The following TEKT4 variants were observed in gnomAD, a reference collection of about 807,000 sequenced individuals.
TEKT4 encodes tektin 4.
In TEKT4, 46 loss-of-function variants were observed where a neutral mutation model predicts 46.0. The ratio of observed to expected loss-of-function variants is 1.00; its 90% CI spans 0.79 to 1.28. TEKT4 has a LOEUF of 1.28. TEKT4 is among the 50% of genes most tolerant of loss of function. The pLI is 0.00. For missense variants in TEKT4, 790 were observed against 622.9 expected (o/e 1.27, Z -2.85); for synonymous variants, 325 against 265.8 (o/e 1.22, Z -2.17).
At position 94,872,064 on chromosome 2, in the gene TEKT4, C is replaced by A. The variant is rs200789996; in HGVS notation, c.485C>A (p.Thr162Lys). 1 of 1,544,742 alleles carries A rather than the reference C, an allele frequency of 6.5e-7. No homozygotes were observed. The highest frequency in any genetic ancestry group is 1.2e-5 in the South Asian group (1 of 84,148). The part of the protein sequence containing the change: ...HPNLVRDHVE[T>K]ELLKEAELIR... Reference sequence around the variant, plus strand: ...AACCTCGTGCGCGACCATGTGGAAACGGAGCTGCTGAAGGTGCCAGCACCC... The same window carrying A: ...AACCTCGTGCGCGACCATGTGGAAAAGGAGCTGCTGAAGGTGCCAGCACCC... Residue 162 changes from threonine (T) to lysine (K), a missense_variant, in exon 1 of 6, where the codon ACG becomes AAG. By Grantham distance (78) the Thr-to-Lys change is moderately conservative (BLOSUM62 -1). Coordinates refer to ENST00000295201, the MANE Select transcript of TEKT4 (RefSeq NM_144705.4).
chr2:94,874,026 A>AAT lies in TEKT4; in HGVS notation c.632_633insTA (p.Ile212ThrfsTer78). On this transcript the variant is annotated frameshift_variant, in exon 3 of 6. Transcript: ENST00000295201. LOFTEE classifies it high-confidence loss of function. The stretch of plus-strand genomic sequence containing the variant: ...CTGGTCAGACAAGATGGAGGCCTAC[A>AAT]ACATCGACGAGACCTGCGGGCGCCA... The AAT allele has an allele frequency of 6.2e-7, 1 of 1,613,804 alleles. No homozygotes were observed. The highest frequency in any genetic ancestry group is 8.5e-7 in the Non-Finnish European group (1 of 1,179,958).
intron 5 of TEKT4, among the ~76,000 whole-genome samples, chr2:94,876,063 G>A (rs1680838726): frequency 6.6e-6 from 1 of 152,210 alleles, no homozygotes; most frequent in Non-Finnish European, 1.5e-5. Context: ...CAGAGCCAGA[G>A]AGGCCAGGCA....
In TEKT4 at chr2:94,871,743, C is replaced by G; in HGVS notation, c.164C>G (p.Ala55Gly). Residue 55 changes from alanine to glycine, a missense_variant, in exon 1 of 6, where the codon GCC becomes GGC. Transcript: ENST00000295201. ...AACTGCTATGCTCGCTACCACCAGGCCTTCGCCGACCGCGACCAGTCGGAG... is the reference window on the plus strand; with the variant it reads ...AACTGCTATGCTCGCTACCACCAGGGCTTCGCCGACCGCGACCAGTCGGAG... ...FQNCYARYHQ[A>G]FADRDQSERQ... 1 of 1,612,626 alleles carries G rather than the reference C, an allele frequency of 6.2e-7. No individual in the cohort carries two copies. The highest frequency in any genetic ancestry group is 1.1e-5 in the South Asian group (1 of 91,084).
chr2:94,874,097 C>G lies in TEKT4; in HGVS notation c.702C>G (p.Thr234=). 1 of 1,613,486 alleles carries G rather than the reference C, an allele frequency of 6.2e-7. No individual in the cohort carries two copies. The highest frequency in any genetic ancestry group is 8.5e-7 in the Non-Finnish European group (1 of 1,179,886). ...TEVQAHPYST[T]FQESASTPET... ...TGCAGGCTCATCCGTACTCCACCAC[C>G]TTCCAAGAGAGGTGGGCCCCAGCTC... The change falls in exon 3 of 6, where the codon ACC becomes ACG. Residue 234 remains threonine, a synonymous_variant. Transcript: ENST00000295201.
In TEKT4 at chr2:94,871,952, C is replaced by A; in HGVS notation, c.373C>A (p.Arg125=). 4 of 1,601,580 alleles carry A rather than the reference C, an allele frequency of 2.5e-6. No homozygotes were observed. Among genetic ancestry groups the A allele is most frequent in the Non-Finnish European group, 3.4e-6 (4 of 1,177,652 alleles). ...ETNLLLAQKQ[R]LERALDATEV... ...CAACTTGCTCCTGGCCCAGAAGCAA[C>A]GGCTGGAGCGCGCCCTGGACGCCAC... Residue 125 remains arginine, a synonymous_variant, in exon 1 of 6, where the codon CGG becomes AGG. Coordinates refer to ENST00000295201, the MANE Select transcript of TEKT4 (RefSeq NM_144705.4).
At chr2:94,875,463 A>G in intron 4 of TEKT4, 125 bp from the exon 5 acceptor site, 1 of 1,441,604 alleles carries the variant, frequency 6.9e-7, no homozygotes, top group Non-Finnish European at 9.5e-7. Context: ...ACGCCTCCCC[A>G]GGGCCACTGG....
In TEKT4 at chr2:94,874,128, C is replaced by T. The variant is rs1419353467; in HGVS notation, c.713+20C>T. ...AGAGAGGTGGGCCCCAGCTCTGCCC[C>T]TGCACTTGCCCTGGCTGTGGTCTCG... On this transcript the variant is annotated intron_variant, in intron 3 of 5. Coordinates refer to ENST00000295201, the MANE Select transcript of TEKT4 (RefSeq NM_144705.4). 1 of 1,610,274 alleles carries T rather than the reference C, an allele frequency of 6.2e-7. No individual in the cohort carries two copies. Among genetic ancestry groups the T allele is most frequent in the Non-Finnish European group, 8.5e-7 (1 of 1,177,734 alleles).
At chr2:94,875,308 C>T (rs1345270339) in intron 4 of TEKT4, among the ~76,000 whole-genome samples, 1 of 152,150 alleles carries the variant, frequency 6.6e-6, no homozygotes, top group South Asian at 2.1e-4. Flanking sequence ...TGGCCTTTAC[C>T]ACCTCTGAGT....
chr2:94,874,745 G>A (rs782636024), intron 3 of TEKT4, 31 bp from the exon 4 acceptor site: 98 of 1,519,822 alleles, frequency 6.4e-5, no homozygotes, highest in Middle Eastern at 4.6e-4. Context: ...GAGCCTCCCC[G>A]ACCCTCTCCT....
chr2:94,872,126 G>GCC (rs11483811), intron 1 of TEKT4, 49 bp downstream of exon 1: 73,095 of 1,330,470 alleles, frequency 0.055, 478 homozygotes, highest in Middle Eastern at 0.067. Flanking sequence ...GAGAGGAGGA[G>GCC]CCCCCCCCCC....
At chr2:94,875,464 G>C in intron 4 of TEKT4, 124 bp from the exon 5 acceptor site, 25 of 1,448,338 alleles carry the variant, frequency 1.7e-5, no homozygotes, top group Non-Finnish European at 2.4e-5. Flanking sequence ...CGCCTCCCCA[G>C]GGCCACTGGT....
chr2:94,876,084 C>A (rs1680839699), intron 5 of TEKT4, among the ~76,000 whole-genome samples: 1 of 152,224 alleles, frequency 6.6e-6, no homozygotes, highest in Non-Finnish European at 1.5e-5. Context: ...GGGCCATTCC[C>A]TGCTGCCCTG....
rs370291138 is a variant in TEKT4 at position 94,873,594 on chromosome 2, G to C, written c.569+4G>C. 6.2e-7 allele frequency: 1 copy of C among 1,613,578 alleles called. No homozygotes were observed. Among genetic ancestry groups the C allele is most frequent in the Non-Finnish European group, 8.5e-7 (1 of 1,179,986 alleles). Reference sequence around the variant, plus strand: ...TGCAAGCAGTGAGCCAGATCCGGTGGGTAGAGGGCTGCCCAAGGGATGATT... The same window carrying C: ...TGCAAGCAGTGAGCCAGATCCGGTGCGTAGAGGGCTGCCCAAGGGATGATT... On this transcript the variant is annotated splice_donor_region_variant and intron_variant, in intron 2 of 5. Transcript: ENST00000295201.
At chr2:94,872,150 G>T in intron 1 of TEKT4, 73 bp downstream of exon 1, 1 of 1,466,976 alleles carries the variant, frequency 6.8e-7, no homozygotes, top group Non-Finnish European at 9.0e-7. Flanking sequence ...AGTTCATGTG[G>T]ACAAGCCACG....
At chr2:94,875,147 T>C (rs1393518009) in intron 4 of TEKT4, 149 bp downstream of exon 4, 2 of 876,760 alleles carry the variant, frequency 2.3e-6, no homozygotes, top group African/African-American at 1.7e-5. Context: ...TGACACTGGG[T>C]ATGATCGACC....
chr2:94,876,590 A>C lies in TEKT4; in HGVS notation c.1129A>C (p.Thr377Pro). ...SEVEELNMSL[T>P]ALREKLLEAE... ...GGTGGAGGAGCTGAACATGTCCCTC[A>C]CAGCACTGCGAGAGAAGCTTCTAGA... The change falls in exon 6 of 6, where the codon ACA becomes CCA. Residue 377 changes from threonine to proline, a missense_variant. Transcript: ENST00000295201. The C allele has an allele frequency of 1.9e-6, 3 of 1,611,644 alleles. No homozygotes were observed. Among genetic ancestry groups the C allele is most frequent in the Non-Finnish European group, 2.5e-6 (3 of 1,179,488 alleles).
chr2:94,873,035 C>A, intron 1 of TEKT4: 1 of 1,286,508 alleles, frequency 7.8e-7, no homozygotes, highest in South Asian at 1.2e-5. Flanking sequence ...CTTGTTCCTA[C>A]ACACAGCAAA....
At chr2:94,873,217 G>T in intron 1 of TEKT4, 1 of 1,277,164 alleles carries the variant, frequency 7.8e-7, no homozygotes, top group South Asian at 1.6e-5. Context: ...ACGTTCCCAG[G>T]TGCACTGAGT....
intron 2 of TEKT4, 109 bp from the exon 3 acceptor site, chr2:94,873,856 C>A (rs371777600): frequency 1.3e-6 from 2 of 1,487,348 alleles, no homozygotes; most frequent in Admixed American, 2.0e-5. Context: ...GACAGGCCCA[C>A]CCAGAACTCC....
Sources: gnomAD v4.1 joint callset for allele counts (sites outside exome capture counted in the v4.1 genomes callset) on GRCh38, gnomAD v4.1.1 for gene constraint, MANE v1.5 for transcripts, NCBI Gene and HGNC (gene_info 2026-07-23, HGNC 2026-07-21) for gene names.